The following NSRP1 variants were observed in gnomAD, a reference collection of about 807,000 sequenced individuals.
The protein encoded by NSRP1 is coiled-coil domain containing 55.
In NSRP1, 24 loss-of-function variants were observed where a neutral mutation model predicts 54.7. That is an observed-to-expected ratio of 0.44 (90% CI 0.32 to 0.62). The LOEUF (loss-of-function observed/expected upper bound fraction) is 0.62, where lower values mean the gene tolerates loss of function less well. NSRP1 is among the 20% of genes least tolerant of loss of function. The pLI is 0.06. For missense variants in NSRP1, 596 were observed against 651.2 expected (o/e 0.92, Z 0.92); for synonymous variants, 210 against 213.8 (o/e 0.98, Z 0.15).
At chr17:30,132,256 AAAAG>A (rs2071707536) in intron 2 of NSRP1, among the ~76,000 whole-genome samples, 1 of 131,806 alleles carries the variant, frequency 7.6e-6, no homozygotes, top group African/African-American at 2.9e-5. Flanking sequence ...AAAAAAAAAA[AAAAG>A]AAAAGAAAAG....
At chr17:30,169,664 A>G (rs555909979) in intron 2 of NSRP1, among the ~76,000 whole-genome samples, 1 of 152,206 alleles carries the variant, frequency 6.6e-6, no homozygotes, top group South Asian at 2.1e-4. Context: ...AATAAATGTT[A>G]GCAGCTATTA....
intron 2 of NSRP1, among the ~76,000 whole-genome samples, chr17:30,151,627 A>G (rs1013976006): frequency 6.6e-6 from 1 of 152,186 alleles, no homozygotes; most frequent in African/African-American, 2.4e-5. Context: ...TGCCAGAGAC[A>G]GAAGAGGTGG....
chr17:30,148,076 A>G (rs567306638), intron 2 of NSRP1, among the ~76,000 whole-genome samples: 1 of 152,278 alleles, frequency 6.6e-6, no homozygotes, highest in African/African-American at 2.4e-5. Flanking sequence ...CAGCCTCCCA[A>G]AGTGTTAGGA....
chr17:30,132,245 CAA>C (rs536072441), intron 2 of NSRP1, among the ~76,000 whole-genome samples: 18 of 112,580 alleles, frequency 1.6e-4, no homozygotes, highest in Non-Finnish European at 1.5e-4. Flanking sequence ...GAGACTGTCT[CAA>C]AAAAAAAAAA....
Position 30,151,524 on chromosome 17 carries a change from A to G in NSRP1, c.115-21018A>G, listed in dbSNP as rs114146856. On this transcript the variant is annotated intron_variant, in intron 2 of 6. Transcript: ENST00000247026. ...AAAATATATTTCCTATTTATTAAGT[A>G]GAAGTGGATCATCATAAAGGTCTTC... Among the ~76,000 whole-genome samples the G allele has an allele frequency of 4.1e-3, 617 of 152,342 alleles. 4 individuals carry two copies. The highest frequency in any genetic ancestry group is 0.014 in the African/African-American group (568 of 41,574).
intron 2 of NSRP1, chr17:30,144,870 T>C (rs2071839156): frequency 6.6e-6 from 1 of 152,222 alleles, no homozygotes; most frequent in Non-Finnish European, 1.5e-5. Context: ...TGATCCCCTC[T>C]CATTCCCCTT....
chr17:30,171,972 ACTCCCT>A (rs1483374906), intron 2 of NSRP1, among the ~76,000 whole-genome samples: 1,379 of 46,576 alleles, frequency 0.03, 28 homozygotes, highest in African/African-American at 0.074. Flanking sequence ...ACACACACAC[ACTCCCT>A]CTCTCTCTCT....
chr17:30,127,975 C>G (rs2151878484), intron 2 of NSRP1: 2 of 397,480 alleles, frequency 5.0e-6, no homozygotes. Flanking sequence ...GCTGGGACCA[C>G]AGGCACACAC....
chr17:30,150,371 G>C (rs1250114896), intron 2 of NSRP1: 2 of 149,544 alleles, frequency 1.3e-5, no homozygotes, highest in African/African-American at 4.9e-5. Context: ...GAGCCATCGC[G>C]CCTGACCAAT....
At chr17:30,117,352 G>T in intron 1 of NSRP1, 2 of 530,512 alleles carry the variant, frequency 3.8e-6, no homozygotes, top group Non-Finnish European at 3.3e-6. Context: ...TAGGAAATTG[G>T]GGTATACGTT....
intron 2 of NSRP1, among the ~76,000 whole-genome samples, chr17:30,163,675 AC>A (rs1428720447): frequency 5.8e-5 from 8 of 137,798 alleles, no homozygotes; most frequent in African/African-American, 2.1e-4. Flanking sequence ...CTATACTTTG[AC>A]CACTTTTTTT....
chr17:30,160,979 G>A lies in NSRP1; in HGVS notation c.115-11563G>A, dbSNP rs568601408. On this transcript the variant is annotated intron_variant, in intron 2 of 6. Transcript: ENST00000247026. ...ATTGCGTAACCAGGAATAAAAGACA[G>A]CCTTACTTTGAGAAGACCATAAACG... Among the ~76,000 whole-genome samples the A allele has an allele frequency of 5.9e-5, 9 of 152,308 alleles. No homozygotes were observed. The South Asian group carries it at 1.9e-3, about 32-fold the overall frequency.
intron 6 of NSRP1, 100 bp downstream of exon 6, chr17:30,181,116 T>C (rs1450750307): frequency 1.3e-6 from 1 of 778,188 alleles, no homozygotes; most frequent in African/African-American, 1.7e-5. Context: ...ATTACAACAT[T>C]GCATATTGTG....
intron 2 of NSRP1, chr17:30,122,365 ATATATATATATATATATATATTTTTTT>A (rs2071607673): frequency 5.9e-5 from 1 of 16,848 alleles, no homozygotes; most frequent in Non-Finnish European, 1.3e-4. Flanking sequence ...ATATATATAT[ATATATATATATATATATATATTTTTTT>A]TTTTTTTTTT....
intron 2 of NSRP1, chr17:30,122,362 TATATATATATATATATATATATA>T (rs1400924907): frequency 4.6e-5 from 1 of 21,524 alleles, no homozygotes; most frequent in Non-Finnish European, 1.3e-4. Context: ...CATATATATA[TATATATATATATATATATATATA>T]TTTTTTTTTT....
intron 3 of NSRP1, among the ~76,000 whole-genome samples, chr17:30,175,594 G>A (rs558296975): frequency 7.9e-5 from 12 of 151,978 alleles, no homozygotes; most frequent in Admixed American, 4.6e-4. Context: ...CACCACACCT[G>A]GCTAATTTTT....
chr17:30,118,613 G>A (rs538467398), intron 2 of NSRP1, among the ~76,000 whole-genome samples: 2 of 151,998 alleles, frequency 1.3e-5, no homozygotes, highest in South Asian at 4.1e-4. Context: ...TTATAATCGT[G>A]GTAGTGAATA....
intron 2 of NSRP1, among the ~76,000 whole-genome samples, chr17:30,165,500 T>G (rs1426136435): frequency 6.6e-6 from 1 of 152,206 alleles, no homozygotes; most frequent in Non-Finnish European, 1.5e-5. Context: ...AACAAGCACT[T>G]CCCCTTCTCA....
intron 3 of NSRP1, among the ~76,000 whole-genome samples, chr17:30,176,618 C>CCCCCA (rs1555583105): frequency 1.7e-5 from 2 of 120,370 alleles, no homozygotes; most frequent in East Asian, 2.9e-4. Context: ...CCCCCCCCCC[C>CCCCCA]AAAAAAAAAA....
Sources: gnomAD v4.1 joint callset for allele counts (sites outside exome capture counted in the v4.1 genomes callset) on GRCh38, gnomAD v4.1.1 for gene constraint, MANE v1.5 for transcripts, NCBI Gene and HGNC (gene_info 2026-07-23, HGNC 2026-07-21) for gene names.